Variants in KAZN observed in about 807,000 individuals in gnomAD.
KAZN encodes kazrin.
In KAZN, 40 loss-of-function variants were observed where a neutral mutation model predicts 87.4. The observed-to-expected ratio is 0.46, with a 90% CI of 0.36 to 0.60. The LOEUF is 0.60. Among genes scored for constraint, KAZN ranks in the 20% least tolerant of loss-of-function variants. The pLI is 0.00. For missense variants in KAZN, 898 were observed against 1,073.9 expected (o/e 0.84, Z 2.29); for synonymous variants, 466 against 458.3 (o/e 1.02, Z -0.22).
intron 2 of KAZN, among the ~76,000 whole-genome samples, chr1:14,557,661 T>TGG (rs1673987771): frequency 7.9e-6 from 1 of 126,558 alleles, no homozygotes; most frequent in Non-Finnish European, 1.7e-5. Flanking sequence ...TGTGTGTGTG[T>TGG]GTGTGGTGTG....
intron 1 of KAZN, among the ~76,000 whole-genome samples, chr1:14,151,394 C>A (rs1645471047): frequency 6.6e-6 from 1 of 152,060 alleles, no homozygotes; most frequent in Non-Finnish European, 1.5e-5. Flanking sequence ...TTTCTGAGAG[C>A]AAGCAATATG....
At chr1:14,231,379 G>T (rs1271807591) in intron 2 of KAZN, among the ~76,000 whole-genome samples, 1 of 117,478 alleles carries the variant, frequency 8.5e-6, no homozygotes, top group African/African-American at 3.3e-5. Flanking sequence ...TAGCCAGAAG[G>T]GGGAGGCTCT....
chr1:14,331,194 T>C (rs1270240094), intron 2 of KAZN, among the ~76,000 whole-genome samples: 1 of 152,096 alleles, frequency 6.6e-6, no homozygotes, highest in Non-Finnish European at 1.5e-5. Context: ...TGGCCTAGCA[T>C]GCAAAGAAAA....
At chr1:14,617,458 CT>C (rs956734624) in intron 1 of KAZN, among the ~76,000 whole-genome samples, 1 of 152,122 alleles carries the variant, frequency 6.6e-6, no homozygotes, top group African/African-American at 2.4e-5. Flanking sequence ...GATAGACTTG[CT>C]GCATGAGAGG....
At chr1:14,000,622 C>T (rs1425471572) in intron 1 of KAZN, among the ~76,000 whole-genome samples, 3 of 152,130 alleles carry the variant, frequency 2.0e-5, no homozygotes, top group Non-Finnish European at 4.4e-5. Context: ...CTGGAAGCAT[C>T]CCCACTGAAA....
chr1:15,104,832 T>C (rs1032996646), intron 13 of KAZN, among the ~76,000 whole-genome samples: 1 of 152,216 alleles, frequency 6.6e-6, no homozygotes, highest in African/African-American at 2.4e-5. Flanking sequence ...AAGAGATCAG[T>C]AGCACTATCC....
intron 2 of KAZN, among the ~76,000 whole-genome samples, chr1:14,257,975 G>GAA (rs201805345): frequency 1.3e-4 from 11 of 87,952 alleles, no homozygotes; most frequent in South Asian, 8.2e-4. Context: ...AAAAAAAAGA[G>GAA]AAAAAAAAAA....
At chr1:14,093,620 A>G (rs191538442) in intron 1 of KAZN, among the ~76,000 whole-genome samples, 3 of 152,278 alleles carry the variant, frequency 2.0e-5, no homozygotes, top group African/African-American at 7.2e-5. Flanking sequence ...AGGGGAGTTC[A>G]AACTTGCCTT....
intron 1 of KAZN, among the ~76,000 whole-genome samples, chr1:14,915,002 A>G (rs1011238842): frequency 2.0e-5 from 3 of 152,178 alleles, no homozygotes; most frequent in Non-Finnish European, 2.9e-5. Context: ...ACCAGCCTCA[A>G]CATGGAGAAA....
intron 1 of KAZN, among the ~76,000 whole-genome samples, chr1:13,907,831 A>AT (rs548546907): frequency 3.8e-4 from 58 of 152,002 alleles, no homozygotes; most frequent in Middle Eastern, 3.4e-3. Flanking sequence ...CCACCGCAAC[A>AT]TTTTTTTTGG....
At chr1:14,345,889 G>A (rs1328144507) in intron 2 of KAZN, among the ~76,000 whole-genome samples, 1 of 152,172 alleles carries the variant, frequency 6.6e-6, no homozygotes, top group South Asian at 2.1e-4. Flanking sequence ...AATAACATGA[G>A]TGAAAAGAGC....
At chr1:14,687,371 G>GC (rs1641013924) in intron 1 of KAZN, among the ~76,000 whole-genome samples, 1 of 152,214 alleles carries the variant, frequency 6.6e-6, no homozygotes, top group Non-Finnish European at 1.5e-5. Flanking sequence ...TGAGAGAGGT[G>GC]AACTCAGAGA....
intron 8 of KAZN, among the ~76,000 whole-genome samples, chr1:15,092,012 A>G (rs1243946417): frequency 6.9e-6 from 1 of 145,906 alleles, no homozygotes; most frequent in African/African-American, 2.5e-5. Flanking sequence ...ATGATTTATA[A>G]TATTGAATTT....
At chr1:14,259,210 G>A (rs1417653393) in intron 2 of KAZN, among the ~76,000 whole-genome samples, 1 of 152,118 alleles carries the variant, frequency 6.6e-6, no homozygotes, top group Admixed American at 6.5e-5. Context: ...GTCGGATTCA[G>A]AGAGTATGCT....
chr1:14,663,075 A>G (rs564198904), intron 1 of KAZN, among the ~76,000 whole-genome samples: 1 of 151,746 alleles, frequency 6.6e-6, no homozygotes, highest in South Asian at 2.1e-4. Context: ...GGCTCAAGCG[A>G]TCTTCCTACC....
At position 14,615,708 on chromosome 1, in the gene KAZN, C is replaced by G. The variant is rs112303030; in HGVS notation, c.226+16485C>G. On this transcript the variant is annotated intron_variant, in intron 1 of 14. Transcript: ENST00000376030. Reference sequence around the variant, plus strand: ...CTTGTGGTTCCAATCGTATGGCCAACGTGTAGGCTGTGGCTTCGCCACCAG... The same window carrying G: ...CTTGTGGTTCCAATCGTATGGCCAAGGTGTAGGCTGTGGCTTCGCCACCAG... Among the ~76,000 whole-genome samples the G allele has an allele frequency of 1.7e-3, 252 of 152,112 alleles. 2 individuals carry two copies. Among genetic ancestry groups the G allele is most frequent in the African/African-American group, 5.7e-3 (238 of 41,520 alleles).
intron 1 of KAZN, among the ~76,000 whole-genome samples, chr1:13,947,647 G>C (rs1221844434): frequency 6.6e-6 from 1 of 152,210 alleles, no homozygotes; most frequent in Admixed American, 6.5e-5. Flanking sequence ...ACTTCAGACT[G>C]GGGGCTTAAA....
At chr1:14,495,598 G>A (rs956901725) in intron 2 of KAZN, among the ~76,000 whole-genome samples, 1 of 152,084 alleles carries the variant, frequency 6.6e-6, no homozygotes, top group Admixed American at 6.5e-5. Context: ...CAGTGAATTA[G>A]CATGAGTCAG....
chr1:14,803,273 G>A (rs1646099142), intron 1 of KAZN, among the ~76,000 whole-genome samples: 2 of 152,180 alleles, frequency 1.3e-5, no homozygotes, highest in South Asian at 4.1e-4. Context: ...ACCCAGGTGG[G>A]GATTAGCGGA....
Sources: gnomAD v4.1 joint callset for allele counts (sites outside exome capture counted in the v4.1 genomes callset) on GRCh38, gnomAD v4.1.1 for gene constraint, MANE v1.5 for transcripts, NCBI Gene and HGNC (gene_info 2026-07-23, HGNC 2026-07-21) for gene names.